RAB5A: variants seen among roughly 807,000 people sequenced by gnomAD.
The protein encoded by RAB5A is RAB5A, member RAS oncogene family.
RAB5A carries 8 observed loss-of-function variants against 25.7 expected under a neutral mutation model. The observed-to-expected ratio is 0.31, with a 90% CI of 0.18 to 0.56. RAB5A has a LOEUF of 0.56. RAB5A is among the 20% of genes least tolerant of loss of function. The pLI, the probability that RAB5A is intolerant of heterozygous loss-of-function variation, is 0.91. For missense variants in RAB5A, 192 were observed against 259.7 expected, an observed-to-expected ratio of 0.74 and a Z score of 1.79; for synonymous variants, 98 against 89.8, an observed-to-expected ratio of 1.09 and a Z score of -0.52.
intron 2 of RAB5A, among the ~76,000 whole-genome samples, chr3:19,969,050 T>G (rs1429179806): frequency 2.1e-5 from 3 of 141,712 alleles, no homozygotes; most frequent in Middle Eastern, 3.6e-3. Flanking sequence ...TTTTGGTTTT[T>G]TTTTTTTTTT....
intron 2 of RAB5A, among the ~76,000 whole-genome samples, chr3:19,962,862 G>T (rs1405727019): frequency 6.6e-6 from 1 of 151,976 alleles, no homozygotes; most frequent in Non-Finnish European, 1.5e-5. Flanking sequence ...GCCCAGGCTG[G>T]TGTGCAGTGA....
intron 2 of RAB5A, among the ~76,000 whole-genome samples, chr3:19,965,854 C>T (rs758896549): frequency 3.3e-5 from 5 of 151,974 alleles, no homozygotes; most frequent in Admixed American, 6.6e-5. Flanking sequence ...ACCAACCCCC[C>T]GCCCAGTAGC....
intron 2 of RAB5A, chr3:19,951,290 A>G (rs1264701350): frequency 1.2e-5 from 5 of 415,044 alleles, no homozygotes; most frequent in East Asian, 3.8e-5. Context: ...GCTAAAATAC[A>G]GATAAAAAAC....
At chr3:19,975,820 T>G (rs1479996801) in intron 3 of RAB5A, 68 bp downstream of exon 3, 19 of 1,479,762 alleles carry the variant, frequency 1.3e-5, no homozygotes, top group Non-Finnish European at 1.6e-5. Flanking sequence ...GAATTTTGAT[T>G]AAATGTTTTG....
At chr3:19,957,178 C>T (rs1046565035) in intron 2 of RAB5A, among the ~76,000 whole-genome samples, 3 of 151,488 alleles carry the variant, frequency 2.0e-5, no homozygotes, top group Non-Finnish European at 2.9e-5. Flanking sequence ...GTCCTCCCAC[C>T]TCAGCCTCCC....
At chr3:19,958,702 G>A (rs1208871010) in intron 2 of RAB5A, among the ~76,000 whole-genome samples, 1 of 152,148 alleles carries the variant, frequency 6.6e-6, no homozygotes, top group African/African-American at 2.4e-5. Context: ...AAACTAGTGG[G>A]GCGTGGTGTC....
chr3:19,955,438 C>A (rs1227078248), intron 2 of RAB5A, among the ~76,000 whole-genome samples: 17 of 152,170 alleles, frequency 1.1e-4, no homozygotes. Flanking sequence ...TGAATCAAAA[C>A]ATTTGGGTGG....
At chr3:19,972,390 A>G (rs1212280999) in intron 2 of RAB5A, among the ~76,000 whole-genome samples, 2 of 152,236 alleles carry the variant, frequency 1.3e-5, no homozygotes, top group Non-Finnish European at 2.9e-5. Context: ...ATATAAACCA[A>G]TGATTATAAA....
chr3:19,971,455 CGGTGGTGGTGGT>C (rs563319679), intron 2 of RAB5A, among the ~76,000 whole-genome samples: 92 of 151,636 alleles, frequency 6.1e-4, no homozygotes, highest in African/African-American at 2.1e-3. Context: ...AACAGTAGTA[CGGTGGTGGTGGT>C]GGTGGTGGTG....
intron 2 of RAB5A, among the ~76,000 whole-genome samples, chr3:19,958,929 ACT>A (rs756420504): frequency 2.6e-5 from 4 of 152,094 alleles, no homozygotes; most frequent in African/African-American, 4.8e-5. Flanking sequence ...ACAGAGCGAG[ACT>A]CTGTCTCAAA....
chr3:19,969,829 G>A (rs1022104770), intron 2 of RAB5A, among the ~76,000 whole-genome samples: 3 of 151,928 alleles, frequency 2.0e-5, no homozygotes, highest in East Asian at 1.9e-4. Context: ...TTCTTGAGAC[G>A]GAGTCTCACT....
chr3:19,976,209 C>T (rs1228885137), intron 4 of RAB5A, 40 bp downstream of exon 4: 1 of 1,578,974 alleles, frequency 6.3e-7, no homozygotes, highest in Non-Finnish European at 8.6e-7. Context: ...GCACTTTTTT[C>T]CTGTATGTTT....
intron 2 of RAB5A, among the ~76,000 whole-genome samples, chr3:19,962,429 A>G (rs1024286442): frequency 6.8e-6 from 1 of 146,756 alleles, no homozygotes; most frequent in Non-Finnish European, 1.5e-5. Context: ...TTAACCGGGC[A>G]TGGTGGCGCG....
At chr3:19,963,545 A>G (rs1696621427) in intron 2 of RAB5A, among the ~76,000 whole-genome samples, 1 of 152,160 alleles carries the variant, frequency 6.6e-6, no homozygotes, top group South Asian at 2.1e-4. Context: ...ATTATATCCT[A>G]GGATTACAGG....
intron 2 of RAB5A, among the ~76,000 whole-genome samples, chr3:19,957,637 T>A (rs947156454): frequency 2.6e-5 from 4 of 151,576 alleles, no homozygotes; most frequent in African/African-American, 9.7e-5. Context: ...CATTCCAGCC[T>A]GAGCAACAGA....
intron 2 of RAB5A, chr3:19,970,748 G>C (rs1696738101): frequency 3.0e-6 from 1 of 333,652 alleles, no homozygotes; most frequent in Non-Finnish European, 6.0e-6. Context: ...TGTTGCTACA[G>C]TATTGATGTA....
intron 1 of RAB5A, among the ~76,000 whole-genome samples, chr3:19,950,461 A>G (rs1055911649): frequency 3.3e-5 from 5 of 152,242 alleles, no homozygotes; most frequent in African/African-American, 1.2e-4. Context: ...CTTCTGTGAC[A>G]ATAACTGTGT....
chr3:19,947,328 G>GGAGACGGAGCCC lies in RAB5A; in HGVS notation c.-284_-273dup, dbSNP rs1390934685. On this transcript the variant is annotated 5_prime_UTR_variant, in exon 1 of 6. Transcript: ENST00000273047. Reference sequence around the variant, plus strand: ...AGAGGAAGGGGGAGCGGCGAGAGGCGGAGACGGAGCCCGACAGGGGCGGCA... The same window carrying GGAGACGGAGCCC: ...AGAGGAAGGGGGAGCGGCGAGAGGCGGAGACGGAGCCCGAGACGGAGCCCGACAGGGGCGGCA... 7 of 193,694 alleles carry GGAGACGGAGCCC rather than the reference G, an allele frequency of 3.6e-5. No homozygotes were observed. Among genetic ancestry groups the GGAGACGGAGCCC allele is most frequent in the African/African-American group, 1.7e-4 (7 of 41,530 alleles). 12.0% of individuals were successfully genotyped at this position (193,694 alleles called of 1,614,324 possible).
intron 2 of RAB5A, among the ~76,000 whole-genome samples, chr3:19,962,584 T>C (rs915089675): frequency 1.3e-5 from 2 of 152,010 alleles, no homozygotes; most frequent in Non-Finnish European, 2.9e-5. Context: ...AAAAAAGTAC[T>C]GTCTGCCGTA....
Sources: allele counts gnomAD v4.1 joint callset (sites outside exome capture counted in the v4.1 genomes callset), GRCh38; gene constraint gnomAD v4.1.1; transcripts MANE v1.5; gene names NCBI Gene and HGNC (gene_info 2026-07-23, HGNC 2026-07-21).